Variants in HEATR5B observed in about 807,000 individuals in gnomAD.
The protein encoded by HEATR5B is HEAT repeat-containing protein 5B.
In HEATR5B, 156 loss-of-function variants were observed where a neutral mutation model predicts 224.1. That is an observed-to-expected ratio of 0.70 (90% CI 0.61 to 0.80). The LOEUF is 0.80. Ranked by LOEUF, HEATR5B falls within the 30% of genes least tolerant of loss-of-function variation. The pLI, the probability that HEATR5B is intolerant of heterozygous loss-of-function variation, is 0.00. For missense variants in HEATR5B, 2,323 were observed against 2,535.5 expected (o/e 0.92, Z 1.80); for synonymous variants, 1,027 against 893.0 (o/e 1.15, Z -2.68).
chr2:37,020,170 G>C lies in HEATR5B; in HGVS notation c.4036-293C>G, dbSNP rs1490566300. On this transcript the variant is annotated intron_variant, in intron 25 of 35. Coordinates refer to ENST00000233099, the MANE Select transcript of HEATR5B (RefSeq NM_019024.3). ...TCCACCCACCTCGGCCTCCCAAAGT[G>C]CTGGGATTACAGGCGTGAACCACCA... Among the ~76,000 whole-genome samples, 4 of 152,302 alleles carry C rather than the reference G, an allele frequency of 2.6e-5. No homozygotes were observed. In the East Asian group the frequency reaches 7.7e-4, roughly 29 times the overall value.
intron 16 of HEATR5B, among the ~76,000 whole-genome samples, chr2:37,053,919 A>G (rs1277641984): frequency 1.3e-5 from 2 of 151,790 alleles, no homozygotes; most frequent in African/African-American, 2.4e-5. Context: ...GGTTTCTTGC[A>G]AAGATAACAA....
chr2:37,001,382 T>C (rs1328162315), intron 32 of HEATR5B, among the ~76,000 whole-genome samples: 1 of 152,134 alleles, frequency 6.6e-6, no homozygotes, highest in Non-Finnish European at 1.5e-5. Flanking sequence ...CTGCAGCCAT[T>C]GTAGCCTCTG....
At chr2:37,045,862 C>T (rs1004992752) in intron 18 of HEATR5B, among the ~76,000 whole-genome samples, 2 of 152,232 alleles carry the variant, frequency 1.3e-5, no homozygotes, top group African/African-American at 2.4e-5. Context: ...CTAGGAATCA[C>T]TGTCCTATGC....
At chr2:37,065,472 C>A (rs1429718969) in intron 9 of HEATR5B, among the ~76,000 whole-genome samples, 4 of 152,032 alleles carry the variant, frequency 2.6e-5, no homozygotes, top group Admixed American at 1.3e-4. Flanking sequence ...CCACAGCTGG[C>A]TAATTTCTGT....
chr2:37,005,603 C>T, intron 30 of HEATR5B, 29 bp downstream of exon 30: 1 of 1,600,576 alleles, frequency 6.2e-7, no homozygotes, highest in Non-Finnish European at 8.5e-7. Context: ...AAAAACCACA[C>T]AAGTATCTAT....
chr2:37,028,598 T>G, intron 23 of HEATR5B, 83 bp downstream of exon 23: 6 of 1,032,058 alleles, frequency 5.8e-6, no homozygotes, highest in Non-Finnish European at 7.0e-6. Flanking sequence ...TTTACATGTA[T>G]GTATCTTTAT....
intron 2 of HEATR5B, 25 bp downstream of exon 2, chr2:37,083,264 C>G (rs1207375159): frequency 6.2e-7 from 1 of 1,613,046 alleles, no homozygotes; most frequent in African/African-American, 1.3e-5. Context: ...GTTAATGCAA[C>G]TGGGAAAAAA....
rs562697420 is a variant in HEATR5B at position 37,060,191 on chromosome 2, G to A, written c.1849+390C>T. On this transcript the variant is annotated intron_variant, in intron 12 of 35. Transcript: ENST00000233099. ...GAAAAAACAGCTGTTTCTCCATTAT[G>A]AAAAGACTAACTGCAAATGCCAATA... Among the ~76,000 whole-genome samples, 20 of 152,304 alleles carry A rather than the reference G, an allele frequency of 1.3e-4. No homozygotes were observed. The East Asian group carries it at 3.9e-3, about 29-fold the overall frequency.
At chr2:36,999,218 C>T (rs1280304502) in intron 33 of HEATR5B, among the ~76,000 whole-genome samples, 1 of 151,502 alleles carries the variant, frequency 6.6e-6, no homozygotes, top group Non-Finnish European at 1.5e-5. Flanking sequence ...GACGCCATCT[C>T]AAAAAACAAA....
intron 18 of HEATR5B, among the ~76,000 whole-genome samples, chr2:37,046,896 A>G (rs1670233562): frequency 6.6e-6 from 1 of 151,478 alleles, no homozygotes; most frequent in African/African-American, 2.4e-5. Context: ...CTAAAAATAC[A>G]AGAATTAGCT....
intron 9 of HEATR5B, among the ~76,000 whole-genome samples, chr2:37,065,408 G>A (rs548058029): frequency 1.3e-5 from 2 of 151,768 alleles, no homozygotes; most frequent in African/African-American, 2.4e-5. Context: ...ATGCCTCCTG[G>A]GCTTAAGCAA....
At chr2:37,044,332 C>T (rs909151484) in intron 18 of HEATR5B, among the ~76,000 whole-genome samples, 1 of 152,140 alleles carries the variant, frequency 6.6e-6, no homozygotes, top group African/African-American at 2.4e-5. Flanking sequence ...TTATAGTTTA[C>T]CTTTTATATA....
At position 37,053,484 on chromosome 2, in the gene HEATR5B, T is replaced by C. The variant is rs1422231648; in HGVS notation, c.2505+18A>G. Reference sequence around the variant, plus strand: ...ATTAAAAACTTATTTCAGAATAGTATGTATTAAAAGTAAATACCTTTAGTG... The same window carrying C: ...ATTAAAAACTTATTTCAGAATAGTACGTATTAAAAGTAAATACCTTTAGTG... On this transcript the variant is annotated intron_variant, in intron 17 of 35. Coordinates refer to ENST00000233099, the MANE Select transcript of HEATR5B (RefSeq NM_019024.3). 2 of 1,381,526 alleles carry C rather than the reference T, an allele frequency of 1.4e-6. No individual in the cohort carries two copies. Among genetic ancestry groups the C allele is most frequent in the Admixed American group, 3.9e-5 (2 of 51,452 alleles). The allele number at this position is 1,381,526 out of a possible 1,614,324, so 85.6% of individuals were successfully genotyped here. A position where few individuals can be genotyped will look rare whatever the true frequency, so the allele number is the denominator to read the frequency against.
intron 16 of HEATR5B, among the ~76,000 whole-genome samples, chr2:37,055,464 T>A (rs1453968911): frequency 6.6e-6 from 1 of 152,176 alleles, no homozygotes; most frequent in African/African-American, 2.4e-5. Context: ...AACCAAAATG[T>A]TGAAATAGAT....
intron 28 of HEATR5B, chr2:37,008,287 C>T (rs984649950): frequency 6.9e-5 from 16 of 230,644 alleles, no homozygotes; most frequent in Non-Finnish European, 1.1e-4. Context: ...TATGAAAATA[C>T]AAACATTGAA....
intron 24 of HEATR5B, among the ~76,000 whole-genome samples, chr2:37,025,709 G>C (rs7581702): frequency 0.11 from 16,799 of 152,000 alleles, 1,431 homozygotes; most frequent in African/African-American, 0.23. Flanking sequence ...TAAGGTAAAA[G>C]GACAAGACAC....
At chr2:37,013,804 A>G in intron 27 of HEATR5B, 37 bp downstream of exon 27, 1 of 1,482,846 alleles carries the variant, frequency 6.7e-7, no homozygotes, top group Non-Finnish European at 9.0e-7. Flanking sequence ...GGATGAAGAA[A>G]TGGGTCAAAA....
At chr2:37,036,732 G>T (rs555791990) in intron 21 of HEATR5B, among the ~76,000 whole-genome samples, 1 of 151,738 alleles carries the variant, frequency 6.6e-6, no homozygotes, top group African/African-American at 2.4e-5. Flanking sequence ...GGCTGGTCTC[G>T]AACTCCTGAC....
At chr2:37,029,392 A>C (rs1483701515) in intron 22 of HEATR5B, among the ~76,000 whole-genome samples, 1 of 152,250 alleles carries the variant, frequency 6.6e-6, no homozygotes, top group Non-Finnish European at 1.5e-5. Context: ...GGCTGGGCGC[A>C]GTGGCTCACG....
Sources: allele counts gnomAD v4.1 joint callset (sites outside exome capture counted in the v4.1 genomes callset), GRCh38; gene constraint gnomAD v4.1.1; transcripts MANE v1.5; gene names NCBI Gene and HGNC (gene_info 2026-07-23, HGNC 2026-07-21).